The following DGCR8 variants were observed in gnomAD, a reference collection of about 807,000 sequenced individuals.
DGCR8 encodes microprocessor complex subunit DGCR8.
A neutral mutation model predicts 78.5 loss-of-function variants in DGCR8; 14 were observed. That is an observed-to-expected ratio of 0.18 (90% CI 0.12 to 0.28). The LOEUF (loss-of-function observed/expected upper bound fraction) is 0.28, where lower values mean the gene tolerates loss of function less well. DGCR8 is among the 10% of genes least tolerant of loss of function. The pLI is 1.00. For missense variants in DGCR8, 702 were observed against 1,022.5 expected (o/e 0.69, Z 4.28); for synonymous variants, 399 against 402.4 (o/e 0.99, Z 0.10).
In DGCR8 at chr22:20,087,416, G is replaced by T; in HGVS notation, c.880+95G>T. 4.2e-6 allele frequency: 6 copies of T among 1,420,684 alleles called. No homozygotes were observed. The highest frequency in any genetic ancestry group is 4.2e-4 in the Middle Eastern group (2 of 4,770). 88.0% of individuals were successfully genotyped at this position (1,420,684 alleles called of 1,614,324 possible). On this transcript the variant is annotated intron_variant, in intron 3 of 13. Transcript: ENST00000351989. This position sits in a 1 kb window ranked among gnomAD's most constrained non-coding sequence, Gnocchi z 4.1. ...TGCTTTGAGAGAGCTCTGGTGCCAG[G>T]TAGTGGGCTGGGTGGAGGCATGTTT... is the stretch of plus-strand genomic sequence containing the variant.
rs968674408 is a variant in DGCR8, at chr22:20,111,606, G to C, written c.*1498G>C. 1 of 387,092 alleles carries C rather than the reference G, an allele frequency of 2.6e-6. No individual in the cohort carries two copies. The highest frequency in any genetic ancestry group is 4.5e-6 in the Non-Finnish European group (1 of 219,834). 24.0% of individuals were successfully genotyped at this position (387,092 alleles called of 1,614,324 possible). The stretch of plus-strand genomic sequence containing the variant: ...AGATGCGCCTGTGAACCAAAGCTTC[G>C]TGCACATGTGTTCCCCTAAAGGTTG... On this transcript the variant is annotated 3_prime_UTR_variant, in exon 14 of 14. Transcript: ENST00000351989.
chr22:20,106,296 TC>T lies in DGCR8; in HGVS notation c.1889+25del, dbSNP rs747839103. ...TTAAAAGGTAGGGTAGGGGGGTGCC[TC>T]CCCCCATGAGTCAGGTCGGGGGAGC... On this transcript the variant is annotated intron_variant, in intron 10 of 13. Coordinates refer to ENST00000351989, the MANE Select transcript of DGCR8 (RefSeq NM_022720.7). 1 of 1,569,460 alleles carries T rather than the reference TC, an allele frequency of 6.4e-7. No individual in the cohort carries two copies. Among genetic ancestry groups the T allele is most frequent in the South Asian group, 1.1e-5 (1 of 90,200 alleles).
In DGCR8 at chr22:20,094,878, G is replaced by A. The variant is rs188252845; in HGVS notation, c.1788+83G>A. 3.3e-5 allele frequency: 41 copies of A among 1,241,100 alleles called. No individual in the cohort carries two copies. The African/African-American group carries it at 3.5e-4, about 11-fold the overall frequency. The allele number at this position is 1,241,100 out of a possible 1,614,324, so 76.9% of individuals were successfully genotyped here. ...CTGTTAGTGTGAGCTGGGGGTGTCC[G>A]TGGGCTGTGCTCATGCCTTCCATGC... On this transcript the variant is annotated intron_variant, in intron 9 of 13. Coordinates refer to ENST00000351989, the MANE Select transcript of DGCR8 (RefSeq NM_022720.7).
chr22:20,089,756 A>C lies in DGCR8; in HGVS notation c.968A>C (p.Glu323Ala). 6.2e-7 allele frequency: 1 copy of C among 1,613,904 alleles called. No individual in the cohort carries two copies. The highest frequency in any genetic ancestry group is 8.5e-7 in the Non-Finnish European group (1 of 1,179,956). ...NSGVPVYLHR[E>A]SRVVTWSRPY... The stretch of plus-strand genomic sequence containing the variant: ...GGAGTCCCGGTGTACCTACACAGAG[A>C]GTCTCGGGTGGTCACCTGGTCCAGG... The change falls in exon 4 of 14, where the codon GAG becomes GCG. Residue 323 changes from glutamate (E) to alanine (A), a missense_variant. By Grantham distance (107) the Glu-to-Ala change is moderately radical. Coordinates refer to ENST00000351989, the MANE Select transcript of DGCR8 (RefSeq NM_022720.7). The surrounding 1 kb of genome is among the most constrained non-coding windows in gnomAD (Gnocchi z 4.9).
intron 9 of DGCR8, 61 bp from the exon 10 acceptor site, chr22:20,106,116 C>T: frequency 6.9e-7 from 1 of 1,444,136 alleles, no homozygotes; most frequent in Non-Finnish European, 9.7e-7. Flanking sequence ...AACCGCAGGC[C>T]CAGCCATGAA....
Position 20,110,413 on chromosome 22 carries a change from GC to G in DGCR8, c.*306del, listed in dbSNP as rs1413306198. On this transcript the variant is annotated 3_prime_UTR_variant, in exon 14 of 14. Transcript: ENST00000351989. ...CCCTGCTTCTGTGCACCTGCTGCAG[GC>G]TCTTTTTATGAAGGCTTTCATGAAT... The G allele has an allele frequency of 2.8e-6, 1 of 358,876 alleles. No homozygotes were observed. The highest frequency in any genetic ancestry group is 2.1e-5 in the African/African-American group (1 of 47,772). The allele number at this position is 358,876 out of a possible 1,614,324, so 22.2% of individuals were successfully genotyped here.
intron 13 of DGCR8, chr22:20,109,276 T>C (rs1047277198): frequency 3.0e-5 from 11 of 371,848 alleles, no homozygotes; most frequent in Admixed American, 7.6e-5. Flanking sequence ...CTGAGTCCCA[T>C]GTCCTCCCTG....
At position 20,086,005 on chromosome 22, in the gene DGCR8, C is replaced by A; in HGVS notation, c.42C>A (p.Pro14=). The A allele has an allele frequency of 6.2e-7, 1 of 1,610,608 alleles. No individual in the cohort carries two copies. Reference sequence around the variant, plus strand: ...GCCCCTCTCCGCTCCCGTGTGGGCCCGCAGGAGAAGCGGTGATGGAGAGCC... The same window carrying A: ...GCCCCTCTCCGCTCCCGTGTGGGCCAGCAGGAGAAGCGGTGATGGAGAGCC... The part of the protein sequence containing the change: ...DESPSPLPCG[P]AGEAVMESRA... Residue 14 remains proline (P), a synonymous_variant, in exon 2 of 14, where the codon CCC becomes CCA. Coordinates refer to ENST00000351989, the MANE Select transcript of DGCR8 (RefSeq NM_022720.7). This position sits in a 1 kb window ranked among gnomAD's most constrained non-coding sequence, Gnocchi z 6.4.
intron 1 of DGCR8, 142 bp downstream of exon 1, chr22:20,080,525 A>G (rs2049405241): frequency 1.0e-6 from 1 of 977,152 alleles, no homozygotes; most frequent in Admixed American, 6.2e-5. Flanking sequence ...TTTGTGAGGC[A>G]ACATGGCCGC....
At chr22:20,092,935 T>TAC (rs765805547) in intron 8 of DGCR8, 28 bp downstream of exon 8, 5 of 1,580,944 alleles carry the variant, frequency 3.2e-6, no homozygotes, top group Non-Finnish European at 4.3e-6. Context: ...GTGTCAAAGA[T>TAC]ACGTGCTGCC....
Position 20,110,152 on chromosome 22 carries a change from T to A in DGCR8, c.*44T>A. 1 of 1,576,916 alleles carries A rather than the reference T, an allele frequency of 6.3e-7. No homozygotes were observed. The highest frequency in any genetic ancestry group is 8.6e-7 in the Non-Finnish European group (1 of 1,158,962). On this transcript the variant is annotated 3_prime_UTR_variant, in exon 14 of 14. Transcript: ENST00000351989. ...GGGCGCGGGGGCCGCCAGCCGCACT[T>A]CTGAGGAGACCAGCAGTCATGCATC...
intron 1 of DGCR8, among the ~76,000 whole-genome samples, chr22:20,083,280 T>G (rs2049438118): frequency 6.6e-6 from 1 of 151,842 alleles, no homozygotes; most frequent in African/African-American, 2.4e-5. Context: ...ATGCTTTTCT[T>G]AGTTGTTAGC....
intron 9 of DGCR8, chr22:20,101,250 C>T: frequency 2.0e-6 from 2 of 985,416 alleles, no homozygotes; most frequent in Non-Finnish European, 1.2e-6. Flanking sequence ...TGTGCCCCTC[C>T]TGAGAAGCTC....
chr22:20,082,208 C>T (rs1414770776), intron 1 of DGCR8, among the ~76,000 whole-genome samples: 1 of 151,964 alleles, frequency 6.6e-6, no homozygotes, highest in Admixed American at 6.6e-5. Context: ...AGGCGTCCAC[C>T]ACCACCACGC....
Position 20,087,118 on chromosome 22 carries a change from C to T in DGCR8, c.721-44C>T. On this transcript the variant is annotated intron_variant, in intron 2 of 13. Transcript: ENST00000351989. The surrounding 1 kb of genome is among the most constrained non-coding windows in gnomAD (Gnocchi z 4.1). ...CTGTTGAGCTCTCCTGTTGCAGGAG[C>T]ATGAGCGCCAGGGGCTCTGGTGTCT... 5.1e-6 allele frequency: 8 copies of T among 1,567,442 alleles called. No homozygotes were observed. Among genetic ancestry groups the T allele is most frequent in the Non-Finnish European group, 6.9e-6 (8 of 1,154,138 alleles).
rs180676903 is a variant in DGCR8 at position 20,090,035 on chromosome 22, C to G, written c.1083C>G (p.Asn361Lys). The G allele has an allele frequency of 1.9e-6, 3 of 1,614,118 alleles. No individual in the cohort carries two copies. The highest frequency in any genetic ancestry group is 2.5e-6 in the Non-Finnish European group (3 of 1,180,020). The change falls in exon 5 of 14, where the codon AAC (asparagine) becomes AAG (lysine). Residue 361 changes from asparagine (N) to lysine (K), a missense_variant. Transcript: ENST00000351989. Reference sequence around the variant, plus strand: ...TGCATTATAAGAAAATGAAGGACAACGAGGAACGGGAGCAAAGCAGTGACC... The same window carrying G: ...TGCATTATAAGAAAATGAAGGACAAGGAGGAACGGGAGCAAAGCAGTGACC... ...PCLHYKKMKD[N>K]EEREQSSDLT...
In DGCR8 at chr22:20,100,286, C is replaced by G. The variant is rs905160676; in HGVS notation, c.1788+5491C>G. On this transcript the variant is annotated intron_variant, in intron 9 of 13. Transcript: ENST00000351989. ...TTCACCGTGTTGGCCAGGATGGTCT[C>G]TATCTCTTGACCTCGTGATCCGTCC... is the stretch of plus-strand genomic sequence containing the variant. The G allele has an allele frequency of 2.4e-5, 21 of 893,118 alleles. No individual in the cohort carries two copies. The African/African-American group carries it at 3.3e-4, about 14-fold the overall frequency. The allele number at this position is 893,118 out of a possible 1,614,324, so 55.3% of individuals were successfully genotyped here. A position where few individuals can be genotyped will look rare whatever the true frequency, so the allele number is the denominator to read the frequency against.
chr22:20,098,763 C>T (rs1602490333), intron 9 of DGCR8, among the ~76,000 whole-genome samples: 1 of 152,190 alleles, frequency 6.6e-6, no homozygotes, highest in East Asian at 1.9e-4. Flanking sequence ...TCTCTGTGTG[C>T]ATGCTGGTCT....
chr22:20,082,052 T>C (rs975108376), intron 1 of DGCR8, among the ~76,000 whole-genome samples: 1 of 88,042 alleles, frequency 1.1e-5, no homozygotes, highest in Non-Finnish European at 2.4e-5. Flanking sequence ...TCTTTCTTTC[T>C]TTTTTTTTTT....
Sources: allele counts gnomAD v4.1 joint callset (sites outside exome capture counted in the v4.1 genomes callset), GRCh38; gene constraint gnomAD v4.1.1; non-coding constraint Gnocchi (gnomAD v3.1); transcripts MANE v1.5; gene names NCBI Gene and HGNC (gene_info 2026-07-23, HGNC 2026-07-21).